The following TGFA variants were observed in gnomAD, a reference collection of about 807,000 sequenced individuals.
The protein encoded by TGFA is transforming growth factor alpha, also known as protransforming growth factor alpha.
TGFA carries 12 observed loss-of-function variants against 21.7 expected under a neutral mutation model. The ratio of observed to expected loss-of-function variants is 0.55; its 90% CI spans 0.35 to 0.90. The LOEUF (loss-of-function observed/expected upper bound fraction) is 0.90. Among genes scored for constraint, TGFA ranks in the 40% least tolerant of loss-of-function variants. TGFA has a pLI of 0.01. For synonymous variants in TGFA, 79 were observed against 88.1 expected (o/e 0.90, Z 0.58); for missense variants, 178 against 210.8 (o/e 0.84, Z 0.96).
chr2:70,527,577 C>T (rs562178533), intron 1 of TGFA, among the ~76,000 whole-genome samples: 3 of 152,196 alleles, frequency 2.0e-5, no homozygotes, highest in African/African-American at 7.2e-5. Context: ...AAGAGTGAGC[C>T]CTAATGTAAA....
At chr2:70,547,623 T>C (rs1303656457) in intron 1 of TGFA, among the ~76,000 whole-genome samples, 3 of 149,374 alleles carry the variant, frequency 2.0e-5, no homozygotes, top group Non-Finnish European at 3.0e-5. Flanking sequence ...CATTAAACAG[T>C]GTGAACCCAC....
intron 1 of TGFA, among the ~76,000 whole-genome samples, chr2:70,548,038 T>A (rs1030287835): frequency 1.3e-5 from 2 of 151,822 alleles, no homozygotes; most frequent in Non-Finnish European, 2.9e-5. Context: ...GATTTGCAAT[T>A]GTGAAGACAT....
chr2:70,512,773 T>A (rs1477656373), intron 2 of TGFA, among the ~76,000 whole-genome samples: 2 of 152,188 alleles, frequency 1.3e-5, no homozygotes, highest in Non-Finnish European at 2.9e-5. Context: ...TTCTTGTCTG[T>A]CTGAATGGAT....
chr2:70,535,309 G>A (rs1553504234), intron 1 of TGFA, among the ~76,000 whole-genome samples: 3 of 152,250 alleles, frequency 2.0e-5, no homozygotes, highest in African/African-American at 7.2e-5. Flanking sequence ...CTGAGGGCAA[G>A]GGCTAGGTCA....
At chr2:70,481,837 G>C (rs1288299205) in intron 2 of TGFA, among the ~76,000 whole-genome samples, 1 of 152,186 alleles carries the variant, frequency 6.6e-6, no homozygotes, top group African/African-American at 2.4e-5. Context: ...GCTTGTAAGT[G>C]AGCCATTCTT....
intron 4 of TGFA, 27 bp downstream of exon 4, chr2:70,456,312 C>A: frequency 1.3e-6 from 2 of 1,533,096 alleles, no homozygotes. Flanking sequence ...GGCAGGGGAC[C>A]TGGCCTTAGG....
At chr2:70,530,826 G>C (rs929860735) in intron 1 of TGFA, among the ~76,000 whole-genome samples, 1 of 152,216 alleles carries the variant, frequency 6.6e-6, no homozygotes, top group South Asian at 2.1e-4. Flanking sequence ...AAGCAAACAG[G>C]CTCGGTGCTG....
intron 2 of TGFA, among the ~76,000 whole-genome samples, chr2:70,509,432 G>A (rs182739915): frequency 4.6e-5 from 7 of 152,232 alleles, no homozygotes; most frequent in East Asian, 1.9e-4. Context: ...CCACCTAAAC[G>A]TATTTAAGCC....
At chr2:70,469,612 T>C (rs1458983977) in intron 2 of TGFA, among the ~76,000 whole-genome samples, 1 of 152,178 alleles carries the variant, frequency 6.6e-6, no homozygotes, top group Non-Finnish European at 1.5e-5. Context: ...GCTGAGATTA[T>C]AGGTGCGAGC....
At chr2:70,535,405 T>C (rs1672943624) in intron 1 of TGFA, among the ~76,000 whole-genome samples, 1 of 152,200 alleles carries the variant, frequency 6.6e-6, no homozygotes, top group Non-Finnish European at 1.5e-5. Flanking sequence ...ATCCACAAAA[T>C]AAATCACCAA....
At chr2:70,530,046 G>A (rs1325863262) in intron 1 of TGFA, among the ~76,000 whole-genome samples, 1 of 152,094 alleles carries the variant, frequency 6.6e-6, no homozygotes, top group Non-Finnish European at 1.5e-5. Context: ...CTACTTCCTA[G>A]GCTATGTTCA....
chr2:70,503,032 T>C (rs2103818331), intron 2 of TGFA, among the ~76,000 whole-genome samples: 1 of 152,312 alleles, frequency 6.6e-6, no homozygotes, highest in East Asian at 1.9e-4. Flanking sequence ...CTCAGGGATC[T>C]AGAACTAGAA....
At chr2:70,535,818 A>G (rs1223467803) in intron 1 of TGFA, among the ~76,000 whole-genome samples, 1 of 152,208 alleles carries the variant, frequency 6.6e-6, no homozygotes, top group Non-Finnish European at 1.5e-5. Context: ...GTAAATCCCT[A>G]ACTTTGAAGT....
chr2:70,530,741 C>G (rs1291614331), intron 1 of TGFA, among the ~76,000 whole-genome samples: 1 of 152,234 alleles, frequency 6.6e-6, no homozygotes, highest in Non-Finnish European at 1.5e-5. Flanking sequence ...TAGCTCAGCA[C>G]AGACCTCAGC....
chr2:70,537,812 T>C (rs1325484643), intron 1 of TGFA, among the ~76,000 whole-genome samples: 1 of 152,212 alleles, frequency 6.6e-6, no homozygotes, highest in African/African-American at 2.4e-5. Flanking sequence ...TGCAGCAAGT[T>C]ATCCAGAAGA....
chr2:70,448,099 C>CCAT lies in TGFA; in HGVS notation c.*2757_*2759dup, dbSNP rs1444753216. 2 of 152,214 alleles carry CCAT rather than the reference C, an allele frequency of 1.3e-5. No homozygotes were observed. Among genetic ancestry groups the CCAT allele is most frequent in the Non-Finnish European group, 2.9e-5 (2 of 68,028 alleles). The allele number at this position is 152,214 out of a possible 1,614,324, so 9.4% of individuals were successfully genotyped here. ...GAAAAGAACTCTAGGGCCATTCTGC[C>CCAT]CATCTCTCCTGCGGGGACACAATGG... On this transcript the variant is annotated 3_prime_UTR_variant, in exon 6 of 6. Coordinates refer to ENST00000295400, the MANE Select transcript of TGFA (RefSeq NM_003236.4).
intron 2 of TGFA, among the ~76,000 whole-genome samples, chr2:70,507,731 TA>T (rs1559125823): frequency 6.6e-6 from 1 of 152,250 alleles, no homozygotes; most frequent in Non-Finnish European, 1.5e-5. Context: ...GTTATGTCCA[TA>T]TTCACATCCA....
chr2:70,500,598 T>G (rs782152378), intron 2 of TGFA, among the ~76,000 whole-genome samples: 3 of 152,170 alleles, frequency 2.0e-5, no homozygotes, highest in Non-Finnish European at 4.4e-5. Context: ...CTACCAAGGT[T>G]GATCATTTTG....
intron 2 of TGFA, among the ~76,000 whole-genome samples, chr2:70,503,189 G>C (rs1427276717): frequency 1.3e-5 from 2 of 152,120 alleles, no homozygotes; most frequent in Admixed American, 6.5e-5. Context: ...GTCCAACAAT[G>C]ATAGACTGGA....
Sources: gnomAD v4.1 joint callset for allele counts (sites outside exome capture counted in the v4.1 genomes callset) on GRCh38, gnomAD v4.1.1 for gene constraint, MANE v1.5 for transcripts, NCBI Gene and HGNC (gene_info 2026-07-23, HGNC 2026-07-21) for gene names.